The following CFDP1 variants were observed in gnomAD, a reference collection of about 807,000 sequenced individuals.
The protein encoded by CFDP1 is heterochromatin-stabilizing protein CFDP1.
In CFDP1, 31 loss-of-function variants were observed where a neutral mutation model predicts 40.1. The ratio of observed to expected loss-of-function variants is 0.77; its 90% CI spans 0.58 to 1.04. The LOEUF (loss-of-function observed/expected upper bound fraction) is 1.04, where lower values mean the gene tolerates loss of function less well. Ranked by LOEUF, CFDP1 falls within the 50% of genes least tolerant of loss-of-function variation. The probability of loss-of-function intolerance (pLI) is 0.00; values close to 1 mark genes in which losing one functional copy is unlikely to be tolerated. For missense variants in CFDP1, 423 were observed against 343.4 expected (o/e 1.23, Z -1.83); for synonymous variants, 167 against 120.0 (o/e 1.39, Z -2.56).
chr16:75,296,794 T>C (rs776863571), intron 6 of CFDP1, among the ~76,000 whole-genome samples: 28 of 152,342 alleles, frequency 1.8e-4, no homozygotes, highest in African/African-American at 6.3e-4. Flanking sequence ...AAGGCAGGTC[T>C]GGTGACTATT....
At chr16:75,377,550 GAAAAGA>G (rs1234417902) in intron 5 of CFDP1, among the ~76,000 whole-genome samples, 1 of 152,054 alleles carries the variant, frequency 6.6e-6, no homozygotes, top group Non-Finnish European at 1.5e-5. Context: ...AAGAAATAAA[GAAAAGA>G]AAAAGGTGGC....
chr16:75,401,655 C>T (rs1205955722), intron 4 of CFDP1, among the ~76,000 whole-genome samples: 1 of 151,998 alleles, frequency 6.6e-6, no homozygotes, highest in Non-Finnish European at 1.5e-5. Flanking sequence ...TTTCAGAATG[C>T]TGGTGATAGA....
chr16:75,334,511 G>T (rs561303689), intron 5 of CFDP1, among the ~76,000 whole-genome samples: 2 of 151,050 alleles, frequency 1.3e-5, no homozygotes, highest in South Asian at 4.2e-4. Flanking sequence ...TGGAGGCAGC[G>T]CAGAGGGTGG....
chr16:75,322,704 T>G (rs2078373391), intron 5 of CFDP1, among the ~76,000 whole-genome samples: 1 of 151,954 alleles, frequency 6.6e-6, no homozygotes. Context: ...CAAAGGAGCA[T>G]TTCGAATTTT....
intron 5 of CFDP1, among the ~76,000 whole-genome samples, chr16:75,346,991 C>G (rs758503103): frequency 2.3e-4 from 35 of 152,030 alleles, no homozygotes; most frequent in Non-Finnish European, 4.1e-4. Context: ...AGTTCAGTAA[C>G]AAGGGTCAGC....
Position 75,305,485 on chromosome 16 carries a change from C to T in CFDP1, c.651-303G>A, listed in dbSNP as rs533674977. ...CTGCTTGCAAGGAGGGGAGGAGCAG[C>T]GCTTCAGGCAGGGCTTTGGAGTCAC... On this transcript the variant is annotated intron_variant, in intron 5 of 6. Transcript: ENST00000283882. 1.2e-4 allele frequency: 35 copies of T among 294,760 alleles called. No homozygotes were observed. The East Asian group carries it at 1.8e-3, about 15-fold the overall frequency. 18.3% of individuals were successfully genotyped at this position (294,760 alleles called of 1,614,324 possible).
chr16:75,429,757 T>C (rs1179090230), intron 1 of CFDP1, among the ~76,000 whole-genome samples: 1 of 152,248 alleles, frequency 6.6e-6, no homozygotes, highest in Non-Finnish European at 1.5e-5. Context: ...GAAAATCTAA[T>C]GAATGTAAAT....
rs567632042 is a variant in CFDP1 at position 75,432,685 on chromosome 16, G to A, written c.64+604C>T. 3.3e-5 allele frequency among the ~76,000 whole-genome samples: 5 copies of A among 152,308 alleles called. No individual in the cohort carries two copies. The South Asian group carries it at 1.0e-3, about 32-fold the overall frequency. ...GAATGGGTGAAGATACTTTCAACGA[G>A]ACGGTTTGTCTGGGGAAGACCAAGA... is the stretch of plus-strand genomic sequence containing the variant. On this transcript the variant is annotated intron_variant, in intron 1 of 6. Transcript: ENST00000283882.
At chr16:75,422,330 C>T (rs572696049) in intron 1 of CFDP1, among the ~76,000 whole-genome samples, 2 of 151,518 alleles carry the variant, frequency 1.3e-5, no homozygotes, top group Non-Finnish European at 2.9e-5. Flanking sequence ...CTCTTGACCT[C>T]GTGATCCACC....
intron 5 of CFDP1, among the ~76,000 whole-genome samples, chr16:75,390,828 C>T (rs907568415): frequency 1.3e-5 from 2 of 152,200 alleles, no homozygotes; most frequent in African/African-American, 4.8e-5. Flanking sequence ...ACTGCTCCCA[C>T]TCTTGCCCTT....
At chr16:75,308,920 T>C (rs1443519843) in intron 5 of CFDP1, among the ~76,000 whole-genome samples, 1 of 152,194 alleles carries the variant, frequency 6.6e-6, no homozygotes, top group Non-Finnish European at 1.5e-5. Flanking sequence ...CCATTAAACA[T>C]CAGTAAAATG....
At chr16:75,324,443 T>A (rs935237414) in intron 5 of CFDP1, among the ~76,000 whole-genome samples, 9 of 152,060 alleles carry the variant, frequency 5.9e-5, no homozygotes, top group African/African-American at 1.9e-4. Context: ...AAAGAAATTT[T>A]AAAAATTGTT....
At chr16:75,316,611 C>T (rs1432054558) in intron 5 of CFDP1, among the ~76,000 whole-genome samples, 1 of 110,372 alleles carries the variant, frequency 9.1e-6, no homozygotes, top group Non-Finnish European at 2.0e-5. Flanking sequence ...ATTTGAAGGA[C>T]AAAAATACAA....
intron 6 of CFDP1, among the ~76,000 whole-genome samples, chr16:75,302,388 G>C (rs1442734237): frequency 6.6e-6 from 1 of 152,164 alleles, no homozygotes; most frequent in Admixed American, 6.5e-5. Context: ...AGCCTCCCAA[G>C]TAACTGGGAC....
intron 6 of CFDP1, among the ~76,000 whole-genome samples, chr16:75,297,616 G>A (rs2078193234): frequency 6.6e-6 from 1 of 152,208 alleles, no homozygotes; most frequent in South Asian, 2.1e-4. Context: ...GCATGACTCA[G>A]CCCAGTCCAC....
intron 6 of CFDP1, among the ~76,000 whole-genome samples, chr16:75,302,520 G>T (rs2078227919): frequency 6.6e-6 from 1 of 152,162 alleles, no homozygotes; most frequent in South Asian, 2.1e-4. Context: ...CAAAGTGCTG[G>T]GATTGCAGGA....
intron 2 of CFDP1, 62 bp from the exon 3 acceptor site, chr16:75,412,816 T>C (rs956295713): frequency 1.5e-6 from 2 of 1,292,442 alleles, no homozygotes; most frequent in Non-Finnish European, 2.2e-6. Context: ...GTTATCCCTC[T>C]CCCAATCCCA....
At chr16:75,361,297 A>G (rs2151531895) in intron 5 of CFDP1, among the ~76,000 whole-genome samples, 1 of 152,294 alleles carries the variant, frequency 6.6e-6, no homozygotes, top group Non-Finnish European at 1.5e-5. Context: ...AGGCATGAGT[A>G]ACCACACCCA....
At chr16:75,428,184 A>C (rs2079363729) in intron 1 of CFDP1, among the ~76,000 whole-genome samples, 1 of 150,908 alleles carries the variant, frequency 6.6e-6, no homozygotes, top group Non-Finnish European at 1.5e-5. Context: ...ATTTTGGTGG[A>C]GGTTACACAA....
Sources: allele counts gnomAD v4.1 joint callset (sites outside exome capture counted in the v4.1 genomes callset), GRCh38; gene constraint gnomAD v4.1.1; transcripts MANE v1.5; gene names NCBI Gene and HGNC (gene_info 2026-07-23, HGNC 2026-07-21).